The following E2F6 variants were observed in gnomAD, a reference collection of about 807,000 sequenced individuals.
E2F6 encodes E2F transcription factor 6.
E2F6 carries 19 observed loss-of-function variants against 31.5 expected under a neutral mutation model. That is an observed-to-expected ratio of 0.60 (90% CI 0.42 to 0.89). The LOEUF (loss-of-function observed/expected upper bound fraction) is 0.89, where lower values mean the gene tolerates loss of function less well. Among genes scored for constraint, E2F6 ranks in the 40% least tolerant of loss-of-function variants. The pLI, the probability that E2F6 is intolerant of heterozygous loss-of-function variation, is 0.00. For synonymous variants in E2F6, 121 were observed against 127.7 expected, an observed-to-expected ratio of 0.95 and a Z score of 0.36; for missense variants, 269 against 341.6, an observed-to-expected ratio of 0.79 and a Z score of 1.67.
At position 11,446,441 on chromosome 2, in the gene E2F6, C is replaced by T. The variant is rs1275437272; in HGVS notation, c.*36G>A. On this transcript the variant is annotated 3_prime_UTR_variant, in exon 7 of 7. Coordinates refer to ENST00000381525, the MANE Select transcript of E2F6 (RefSeq NM_198256.4). Reference sequence around the variant, plus strand: ...GCGTAATTCTCCACGAAGATATTCCCAAAAAACTCAGTGATACATAAATTC... The same window carrying T: ...GCGTAATTCTCCACGAAGATATTCCTAAAAAACTCAGTGATACATAAATTC... The T allele has an allele frequency of 6.6e-7, 1 of 1,512,096 alleles. No homozygotes were observed. The highest frequency in any genetic ancestry group is 9.2e-7 in the Non-Finnish European group (1 of 1,090,470). 93.7% of individuals were successfully genotyped at this position (1,512,096 alleles called of 1,614,324 possible).
intron 2 of E2F6, among the ~76,000 whole-genome samples, chr2:11,455,019 C>G (rs73915202): frequency 1.3e-5 from 2 of 152,156 alleles, no homozygotes; most frequent in Non-Finnish European, 2.9e-5. Flanking sequence ...TTTCAATGAA[C>G]CTTTTTGTTG....
chr2:11,451,610 T>C, intron 4 of E2F6, 41 bp downstream of exon 4: 3 of 1,565,204 alleles, frequency 1.9e-6, no homozygotes, highest in South Asian at 2.4e-5. Flanking sequence ...TAATCTGTTT[T>C]GGAAGCAGAA....
intron 1 of E2F6, among the ~76,000 whole-genome samples, chr2:11,461,713 C>G (rs1207816288): frequency 6.6e-6 from 1 of 152,172 alleles, no homozygotes; most frequent in East Asian, 1.9e-4. Context: ...GTTTGATTTT[C>G]AGCAATTTCA....
At position 11,445,924 on chromosome 2, in the gene E2F6, G is replaced by C. The variant is rs1455797404; in HGVS notation, c.*553C>G. 1 of 152,342 alleles carries C rather than the reference G, an allele frequency of 6.6e-6. No individual in the cohort carries two copies. Among genetic ancestry groups the C allele is most frequent in the Non-Finnish European group, 1.5e-5 (1 of 68,086 alleles). 9.4% of individuals were successfully genotyped at this position (152,342 alleles called of 1,614,324 possible). A position where few individuals can be genotyped will look rare whatever the true frequency, so the allele number is the denominator to read the frequency against. On this transcript the variant is annotated 3_prime_UTR_variant, in exon 7 of 7. Coordinates refer to ENST00000381525, the MANE Select transcript of E2F6 (RefSeq NM_198256.4). ...TAAGTTATAGGTACCAAAGAGATTA[G>C]AGAATTTGTCTGTCACTTTCCATAT...
In E2F6 at chr2:11,460,643, G is replaced by A. The variant is rs944357531; in HGVS notation, c.109-3410C>T. Among the ~76,000 whole-genome samples the A allele has an allele frequency of 5.3e-5, 8 of 152,226 alleles. No homozygotes were observed. In the South Asian group the frequency reaches 8.3e-4, roughly 16 times the overall value. On this transcript the variant is annotated intron_variant, in intron 1 of 6. Transcript: ENST00000381525. The stretch of plus-strand genomic sequence containing the variant: ...TGCAATCATGCATCTTCTCAGAATC[G>A]TCATTAGGCGATTTTGTTGCGTGAA...
intron 3 of E2F6, among the ~76,000 whole-genome samples, chr2:11,452,439 A>C (rs1231878978): frequency 1.3e-5 from 2 of 152,160 alleles, no homozygotes; most frequent in African/African-American, 4.8e-5. Flanking sequence ...CCCCGTCTCT[A>C]CTAAAAATAC....
intron 1 of E2F6, 30 bp downstream of exon 1, chr2:11,465,742 C>G (rs769602413): frequency 6.4e-7 from 1 of 1,558,368 alleles, no homozygotes. Flanking sequence ...GGGAGACCAC[C>G]GCCCGTCCCC....
intron 1 of E2F6, among the ~76,000 whole-genome samples, chr2:11,457,836 A>G (rs1167754806): frequency 1.3e-5 from 2 of 152,194 alleles, no homozygotes; most frequent in African/African-American, 4.8e-5. Flanking sequence ...ATGCATTCCC[A>G]TTATAATTAA....
Position 11,444,636 on chromosome 2 carries a change from T to C in E2F6, c.*1841A>G, listed in dbSNP as rs1374624206. The C allele has an allele frequency of 2.1e-5, 3 of 140,632 alleles. No homozygotes were observed. The highest frequency in any genetic ancestry group is 4.6e-5 in the Non-Finnish European group (3 of 64,616). 8.7% of individuals were successfully genotyped at this position (140,632 alleles called of 1,614,324 possible). ...CTTCTTCTGTATTTCTCCTTAAATA[T>C]AGATGCCCTTAGGCCTGCTGTACTC... is the stretch of plus-strand genomic sequence containing the variant. On this transcript the variant is annotated 3_prime_UTR_variant, in exon 7 of 7. Transcript: ENST00000381525.
chr2:11,446,220 C>T lies in E2F6; in HGVS notation c.*257G>A. 1 of 457,984 alleles carries T rather than the reference C, an allele frequency of 2.2e-6. No homozygotes were observed. Among genetic ancestry groups the T allele is most frequent in the East Asian group, 3.8e-5 (1 of 26,196 alleles). The allele number at this position is 457,984 out of a possible 1,614,324, so 28.4% of individuals were successfully genotyped here. On this transcript the variant is annotated 3_prime_UTR_variant, in exon 7 of 7. Coordinates refer to ENST00000381525, the MANE Select transcript of E2F6 (RefSeq NM_198256.4). ...TTCATGACACTCTGTGATGAAGCTA[C>T]TTCAGGAGGCAAGATGTCTATTTCA...
At chr2:11,458,687 T>C (rs1372242165) in intron 1 of E2F6, among the ~76,000 whole-genome samples, 3 of 152,244 alleles carry the variant, frequency 2.0e-5, no homozygotes, top group Non-Finnish European at 2.9e-5. Context: ...AAGAAGCTCT[T>C]TGTTTATACT....
chr2:11,461,761 C>T (rs1671796953), intron 1 of E2F6, among the ~76,000 whole-genome samples: 1 of 152,174 alleles, frequency 6.6e-6, no homozygotes, highest in Non-Finnish European at 1.5e-5. Flanking sequence ...TAACCCAGGG[C>T]ACACTTAGAA....
chr2:11,451,780 G>A lies in E2F6; in HGVS notation c.407C>T (p.Ala136Val). 1.2e-6 allele frequency: 2 copies of A among 1,608,866 alleles called. No homozygotes were observed. The highest frequency in any genetic ancestry group is 1.7e-6 in the Non-Finnish European group (2 of 1,176,922). Residue 136 changes from alanine (A) to valine (V), a missense_variant, in exon 4 of 7, where the codon GCA becomes GTA. Physicochemically the swap from Ala to Val is moderately conservative, Grantham distance 64. Transcript: ENST00000381525. ...CTGTAGCTTCTTTTGTTGGGGAACT[G>A]CTCCAAAATTGCTAAGATCAGATCC... ...WIGSDLSNFG[A>V]VPQQKKLQEE...
chr2:11,459,926 A>T (rs1671668272), intron 1 of E2F6, among the ~76,000 whole-genome samples: 1 of 152,164 alleles, frequency 6.6e-6, no homozygotes, highest in African/African-American at 2.4e-5. Flanking sequence ...TTTGCATGCT[A>T]GCTGCAAAAT....
At chr2:11,457,356 G>A in intron 1 of E2F6, 123 bp from the exon 2 acceptor site, 1 of 650,324 alleles carries the variant, frequency 1.5e-6, no homozygotes, top group Non-Finnish European at 2.7e-6. Context: ...CTGGGCAGAG[G>A]CTCACGCCTG....
In E2F6 at chr2:11,444,456, C is replaced by T. The variant is rs1670604096; in HGVS notation, c.*2021G>A. On this transcript the variant is annotated 3_prime_UTR_variant, in exon 7 of 7. Transcript: ENST00000381525. Reference sequence around the variant, plus strand: ...TTTCGTTTACATGATCTCATTTTACCTTCAGAACAATTTGTAAAGGAGAAC... The same window carrying T: ...TTTCGTTTACATGATCTCATTTTACTTTCAGAACAATTTGTAAAGGAGAAC... 1 of 152,114 alleles carries T rather than the reference C, an allele frequency of 6.6e-6. No individual in the cohort carries two copies. Among genetic ancestry groups the T allele is most frequent in the African/African-American group, 2.4e-5 (1 of 41,410 alleles). The allele number at this position is 152,114 out of a possible 1,614,324, so 9.4% of individuals were successfully genotyped here. A position where few individuals can be genotyped will look rare whatever the true frequency, so the allele number is the denominator to read the frequency against.
rs1403605564 is a variant in E2F6, at chr2:11,445,260, T to A, written c.*1217A>T. The A allele has an allele frequency of 1.3e-5, 2 of 152,474 alleles. No individual in the cohort carries two copies. Among genetic ancestry groups the A allele is most frequent in the Non-Finnish European group, 2.9e-5 (2 of 68,048 alleles). The allele number at this position is 152,474 out of a possible 1,614,324, so 9.4% of individuals were successfully genotyped here. A position where few individuals can be genotyped will look rare whatever the true frequency, so the allele number is the denominator to read the frequency against. On this transcript the variant is annotated 3_prime_UTR_variant, in exon 7 of 7. Transcript: ENST00000381525. ...GTACGATAGACAAACCAAATATTAT[T>A]ATTCTGATCTTACAATTCACTCACT...
intron 1 of E2F6, among the ~76,000 whole-genome samples, chr2:11,458,867 C>T (rs1353646349): frequency 6.6e-6 from 1 of 152,164 alleles, no homozygotes; most frequent in Non-Finnish European, 1.5e-5. Flanking sequence ...GCATGCAACA[C>T]TGGAGCTGGG....
At chr2:11,450,349 C>T (rs1376200769) in intron 4 of E2F6, among the ~76,000 whole-genome samples, 1 of 151,720 alleles carries the variant, frequency 6.6e-6, no homozygotes, top group African/African-American at 2.4e-5. Context: ...ATATTTACAA[C>T]ACAACCTAAA....
Sources: allele counts gnomAD v4.1 joint callset (sites outside exome capture counted in the v4.1 genomes callset), GRCh38; gene constraint gnomAD v4.1.1; transcripts MANE v1.5; gene names NCBI Gene and HGNC (gene_info 2026-07-23, HGNC 2026-07-21).